Variants in MTBP observed in about 807,000 individuals in gnomAD.
MTBP encodes the protein MDM2 binding protein.
In MTBP, 101 loss-of-function variants were observed where a neutral mutation model predicts 117.0. That is an observed-to-expected ratio of 0.86 (90% CI 0.73 to 1.02). The LOEUF (loss-of-function observed/expected upper bound fraction) is 1.02, where lower values mean the gene tolerates loss of function less well. Ranked by LOEUF, MTBP falls within the 50% of genes least tolerant of loss-of-function variation. The pLI is 0.00. For synonymous variants in MTBP, 350 were observed against 351.5 expected (o/e 1.00, Z 0.05); for missense variants, 970 against 1,030.9 (o/e 0.94, Z 0.81).
intron 5 of MTBP, among the ~76,000 whole-genome samples, chr8:120,455,091 G>A (rs969892895): frequency 2.6e-5 from 4 of 151,464 alleles, no homozygotes; most frequent in African/African-American, 7.3e-5. Context: ...TCTCTGTTGA[G>A]TACAATAGCA....
intron 7 of MTBP, among the ~76,000 whole-genome samples, chr8:120,458,464 T>TA (rs1420751905): frequency 5.3e-5 from 8 of 152,168 alleles, no homozygotes; most frequent in African/African-American, 1.9e-4. Context: ...TCCTTACTAT[T>TA]ACTACTTCTG....
intron 2 of MTBP, among the ~76,000 whole-genome samples, chr8:120,447,490 G>A (rs1283185584): frequency 6.6e-6 from 1 of 151,836 alleles, no homozygotes; most frequent in African/African-American, 2.4e-5. Context: ...GTATTCCAGG[G>A]GTTCTCATGA....
At chr8:120,498,277 T>C (rs1329810262) in intron 14 of MTBP, among the ~76,000 whole-genome samples, 1 of 152,222 alleles carries the variant, frequency 6.6e-6, no homozygotes, top group African/African-American at 2.4e-5. Context: ...AATGAGTTGA[T>C]ACCTGTAAAA....
chr8:120,451,183 G>A lies in MTBP; in HGVS notation c.286G>A (p.Asp96Asn), dbSNP rs1434866132. 1 of 1,604,196 alleles carries A rather than the reference G, an allele frequency of 6.2e-7. No homozygotes were observed. The highest frequency in any genetic ancestry group is 8.5e-7 in the Non-Finnish European group (1 of 1,173,666). Reference sequence around the variant, plus strand: ...TTTGATTTGTTAGTTTTGTAGTTCTGATTGGCAAGAGATACATTTTGATAC... The same window carrying A: ...TTTGATTTGTTAGTTTTGTAGTTCTAATTGGCAAGAGATACATTTTGATAC... Reference protein sequence around the residue: ...IYGFYQFCSSDWQEIHFDTEK... With the variant: ...IYGFYQFCSSNWQEIHFDTEK... The change falls in exon 4 of 22, where the codon GAT becomes AAT. Residue 96 changes from aspartate (D) to asparagine (N), a missense_variant. Coordinates refer to ENST00000305949, the MANE Select transcript of MTBP (RefSeq NM_022045.5).
At chr8:120,469,584 AT>A (rs1813775690) in intron 10 of MTBP, among the ~76,000 whole-genome samples, 1 of 152,190 alleles carries the variant, frequency 6.6e-6, no homozygotes, top group Non-Finnish European at 1.5e-5. Flanking sequence ...CCTGGGCCAA[AT>A]GCGTTGATGT....
In MTBP at chr8:120,520,165, C is replaced by A. The variant is rs865975813; in HGVS notation, c.2610+1348C>A. Among the ~76,000 whole-genome samples the A allele has an allele frequency of 3.3e-5, 5 of 152,052 alleles. No individual in the cohort carries two copies. In the South Asian group the frequency reaches 1.0e-3, roughly 32 times the overall value. On this transcript the variant is annotated intron_variant, in intron 20 of 21. Coordinates refer to ENST00000305949, the MANE Select transcript of MTBP (RefSeq NM_022045.5). ...CCAAAACATATAGGAATAAAGGGAA[C>A]TCTGAAGAAGCAGGAAGTTGAAGAA... is the stretch of plus-strand genomic sequence containing the variant.
chr8:120,520,687 A>G lies in MTBP; in HGVS notation c.2610+1870A>G, dbSNP rs138337256. Among the ~76,000 whole-genome samples the G allele has an allele frequency of 4.5e-3, 688 of 152,302 alleles. 9 individuals carry two copies. The highest frequency in any genetic ancestry group is 0.015 in the African/African-American group (632 of 41,572). On this transcript the variant is annotated intron_variant, in intron 20 of 21. Transcript: ENST00000305949. ...TAATCTAGTTTATATATAGTGAATC[A>G]ATAATCAGAATGGCATTGGACTTCT...
rs748418406 is a variant in MTBP, at chr8:120,490,565, G to A, written c.1442G>A (p.Cys481Tyr). 22 of 1,581,502 alleles carry A rather than the reference G, an allele frequency of 1.4e-5. No homozygotes were observed. In the East Asian group the frequency reaches 2.0e-4, roughly 15 times the overall value. The change falls in exon 13 of 22, where the codon TGC becomes TAC. Residue 481 changes from cysteine (C) to tyrosine (Y), a missense_variant. Coordinates refer to ENST00000305949, the MANE Select transcript of MTBP (RefSeq NM_022045.5). The stretch of plus-strand genomic sequence containing the variant: ...GTTCAAGTTTTAGCTTTGGAAGAAT[G>A]CCTAAGTAAGTAACAATTTGTGTAT... Reference protein sequence around the residue: ...ANVQVLALEECLKRRKLAKQP... With the variant: ...ANVQVLALEEYLKRRKLAKQP...
In MTBP at chr8:120,497,554, GGTAA is replaced by G. The variant is rs1253241366; in HGVS notation, c.1609+3_1609+6del. On this transcript the variant is annotated splice_donor_variant and splice_donor_region_variant and intron_variant, in intron 14 of 21. Transcript: ENST00000305949. LOFTEE classifies it high-confidence loss of function. ...AATTAAAACCTTCAATATATTAAAT[GGTAA>G]GTTTTTTATTACTTTAAATTTTAGT... is the stretch of plus-strand genomic sequence containing the variant. 1.4e-6 allele frequency: 2 copies of G among 1,451,938 alleles called. No individual in the cohort carries two copies. Among genetic ancestry groups the G allele is most frequent in the African/African-American group, 1.5e-5 (1 of 66,870 alleles). 89.9% of individuals were successfully genotyped at this position (1,451,938 alleles called of 1,614,324 possible). A position where few individuals can be genotyped will look rare whatever the true frequency, so the allele number is the denominator to read the frequency against.
Position 120,506,708 on chromosome 8 carries a change from C to G in MTBP, c.1730C>G (p.Thr577Ser). Residue 577 changes from threonine (T) to serine (S), a missense_variant and splice_region_variant, in exon 16 of 22, where the codon ACT (threonine) becomes AGT (serine). By Grantham distance (58) the Thr-to-Ser change is moderately conservative. Transcript: ENST00000305949. ...TFEKTKQKMR[T>S]GSLPHSSEQL... ...TCTGCATAACATTATTTTCCCAGAACTGGTTCATTACCTCATTCATCTGAA... is the reference window on the plus strand; with the variant it reads ...TCTGCATAACATTATTTTCCCAGAAGTGGTTCATTACCTCATTCATCTGAA... 6.3e-7 allele frequency: 1 copy of G among 1,594,940 alleles called. No homozygotes were observed. Among genetic ancestry groups the G allele is most frequent in the Non-Finnish European group, 8.5e-7 (1 of 1,172,912 alleles).
chr8:120,523,588 ATGTT>A lies in MTBP; in HGVS notation c.*254_*257del, dbSNP rs1327461718. ...TAAAGTTATTTTTATATGTTTTAAA[ATGTT>A]TACTCTTATTTAATTATTACAATAA... On this transcript the variant is annotated 3_prime_UTR_variant, in exon 22 of 22. Transcript: ENST00000305949. 1.4e-5 allele frequency: 3 copies of A among 210,544 alleles called. No homozygotes were observed. Among genetic ancestry groups the A allele is most frequent in the Non-Finnish European group, 2.8e-5 (3 of 106,982 alleles). 13.0% of individuals were successfully genotyped at this position (210,544 alleles called of 1,614,324 possible).
chr8:120,465,374 G>A (rs1180900969), intron 10 of MTBP, among the ~76,000 whole-genome samples: 1 of 152,094 alleles, frequency 6.6e-6, no homozygotes, highest in Admixed American at 6.6e-5. Flanking sequence ...TCTTAATATT[G>A]TAAACTGGAA....
chr8:120,521,400 C>A (rs78291645), intron 20 of MTBP, among the ~76,000 whole-genome samples: 34,240 of 152,058 alleles, frequency 0.23, 4,032 homozygotes, highest in African/African-American at 0.27. Flanking sequence ...TATTTACAAT[C>A]AAAAATTGTG....
At chr8:120,518,667 C>A in intron 19 of MTBP, 37 bp from the exon 20 acceptor site, 1 of 1,408,704 alleles carries the variant, frequency 7.1e-7, no homozygotes, top group Non-Finnish European at 9.8e-7. Flanking sequence ...TGTGCCTTTT[C>A]CAAGAAATAT....
In MTBP at chr8:120,515,989, C is replaced by T. The variant is rs1166401469; in HGVS notation, c.2044C>T (p.Leu682Phe). The change falls in exon 18 of 22, where the codon CTT becomes TTT. Residue 682 changes from leucine (L) to phenylalanine (F), a missense_variant. Leu to Phe is a conservative substitution (Grantham distance 22). Coordinates refer to ENST00000305949, the MANE Select transcript of MTBP (RefSeq NM_022045.5). ...AGGATTTTCTGAACTTCAGTCTCGT[C>T]TTATTCGTTATGAAACTCAAACTAC... The part of the protein sequence containing the change: ...DGGFSELQSR[L>F]IRYETQTTCT... 1 of 1,612,866 alleles carries T rather than the reference C, an allele frequency of 6.2e-7. No individual in the cohort carries two copies. Among genetic ancestry groups the T allele is most frequent in the African/African-American group, 1.3e-5 (1 of 74,844 alleles).
chr8:120,490,589 AT>A lies in MTBP; in HGVS notation c.1447+23del, dbSNP rs1397981026. 10 of 1,481,812 alleles carry A rather than the reference AT, an allele frequency of 6.7e-6. No individual in the cohort carries two copies. Among genetic ancestry groups the A allele is most frequent in the Non-Finnish European group, 9.3e-6 (10 of 1,076,484 alleles). The allele number at this position is 1,481,812 out of a possible 1,614,324, so 91.8% of individuals were successfully genotyped here. A position where few individuals can be genotyped will look rare whatever the true frequency, so the allele number is the denominator to read the frequency against. ...TGCCTAAGTAAGTAACAATTTGTGT[AT>A]TTTATCCTACCCTAAAAATGTTGAC... On this transcript the variant is annotated intron_variant, in intron 13 of 21. Coordinates refer to ENST00000305949, the MANE Select transcript of MTBP (RefSeq NM_022045.5).
chr8:120,472,732 C>T (rs1352340318), intron 11 of MTBP: 1 of 152,316 alleles, frequency 6.6e-6, no homozygotes, highest in Middle Eastern at 3.4e-3. Flanking sequence ...AATCCCAGGA[C>T]TAGCCCAGTC....
chr8:120,445,724 T>A, intron 1 of MTBP, 136 bp downstream of exon 1: 1 of 609,848 alleles, frequency 1.6e-6, no homozygotes, highest in Non-Finnish European at 2.7e-6. Flanking sequence ...GGGATAGAGT[T>A]AATGAGGGCT....
At chr8:120,482,161 A>G (rs992686284) in intron 11 of MTBP, among the ~76,000 whole-genome samples, 1 of 152,138 alleles carries the variant, frequency 6.6e-6, no homozygotes, top group Admixed American at 6.5e-5. Flanking sequence ...TGGTGGTTCA[A>G]ATGTATATCC....
Sources: gnomAD v4.1 joint callset for allele counts (sites outside exome capture counted in the v4.1 genomes callset) on GRCh38, gnomAD v4.1.1 for gene constraint, MANE v1.5 for transcripts, NCBI Gene and HGNC (gene_info 2026-07-23, HGNC 2026-07-21) for gene names.